Variants in GRIN3A observed in about 807,000 individuals in gnomAD.
GRIN3A encodes glutamate receptor ionotropic, NMDA 3A.
A neutral mutation model predicts 92.4 loss-of-function variants in GRIN3A; 47 were observed. The observed-to-expected ratio is 0.51, with a 90% CI of 0.40 to 0.65. The LOEUF (loss-of-function observed/expected upper bound fraction) is 0.65, where lower values mean the gene tolerates loss of function less well. Ranked by LOEUF, GRIN3A falls within the 30% of genes least tolerant of loss-of-function variation. The pLI is 0.00. For synonymous variants in GRIN3A, 527 were observed against 540.6 expected (o/e 0.97, Z 0.35); for missense variants, 1,324 against 1,393.1 (o/e 0.95, Z 0.79).
intron 6 of GRIN3A, among the ~76,000 whole-genome samples, chr9:101,582,850 C>G (rs1827905554): frequency 6.6e-6 from 1 of 152,132 alleles, no homozygotes; most frequent in East Asian, 1.9e-4. Flanking sequence ...ACATGACTCC[C>G]TCTGTTTCCT....
At chr9:101,693,244 AATATAT>A (rs3082770) in intron 1 of GRIN3A, among the ~76,000 whole-genome samples, 2,040 of 128,306 alleles carry the variant, frequency 0.016, 30 homozygotes, top group African/African-American at 0.045. Context: ...TCTCAGCTAA[AATATAT>A]ATATATATAT....
chr9:101,586,647 C>G (rs2118799340), intron 6 of GRIN3A, among the ~76,000 whole-genome samples: 1 of 152,234 alleles, frequency 6.6e-6, no homozygotes, highest in East Asian at 1.9e-4. Context: ...ACACTGGAAA[C>G]TGAATGCAAA....
At chr9:101,674,632 T>TA (rs893131438) in intron 2 of GRIN3A, among the ~76,000 whole-genome samples, 1 of 152,058 alleles carries the variant, frequency 6.6e-6, no homozygotes, top group Admixed American at 6.6e-5. Flanking sequence ...AATGTGGGTA[T>TA]AAAAAAGTAA....
chr9:101,713,706 G>A (rs1349631268), intron 1 of GRIN3A, among the ~76,000 whole-genome samples: 1 of 152,112 alleles, frequency 6.6e-6, no homozygotes, highest in Non-Finnish European at 1.5e-5. Context: ...AGTCCAAGTA[G>A]CCTATTGGTT....
chr9:101,706,877 TGACCAGGTTTTATA>T (rs1829820989), intron 1 of GRIN3A, among the ~76,000 whole-genome samples: 3 of 152,216 alleles, frequency 2.0e-5, no homozygotes, highest in South Asian at 4.1e-4. Flanking sequence ...TGTTGTCAAA[TGACCAGGTTTTATA>T]GTCTCTCAAG....
intron 1 of GRIN3A, among the ~76,000 whole-genome samples, chr9:101,707,534 A>C (rs1829827848): frequency 6.6e-6 from 1 of 152,204 alleles, no homozygotes; most frequent in African/African-American, 2.4e-5. Context: ...CTGAGAAGTA[A>C]GAAATGAATA....
In GRIN3A at chr9:101,594,216, G is replaced by GGGTA. The variant is rs1828075175; in HGVS notation, c.2767-14860_2767-14857dup. 3 of 674,336 alleles carry GGGTA rather than the reference G, an allele frequency of 4.4e-6. No individual in the cohort carries two copies. The African/African-American group carries it at 5.4e-5, about 12-fold the overall frequency. The allele number at this position is 674,336 out of a possible 1,614,324, so 41.8% of individuals were successfully genotyped here. A position where few individuals can be genotyped will look rare whatever the true frequency, so the allele number is the denominator to read the frequency against. On this transcript the variant is annotated intron_variant, in intron 6 of 8. Transcript: ENST00000361820. ...CATTTGACTTGCTCTTCCCCCTATA[G>GGGTA]GGTACCCTGAGTCATTCAGAGAAGG...
chr9:101,653,708 T>C (rs10819964), intron 3 of GRIN3A, among the ~76,000 whole-genome samples: 71,351 of 151,652 alleles, frequency 0.47, 17,011 homozygotes, highest in Middle Eastern at 0.54. Flanking sequence ...TTTGTGTCTC[T>C]ACTTTGTTTT....
intron 1 of GRIN3A, among the ~76,000 whole-genome samples, chr9:101,712,524 ACTT>A (rs1393615442): frequency 6.6e-6 from 1 of 152,192 alleles, no homozygotes; most frequent in Admixed American, 6.5e-5. Context: ...GAAATGACTG[ACTT>A]CTTGTTCAAC....
rs150659940 is a variant in GRIN3A, at chr9:101,654,118, T to G, written c.2352+15942A>C. Among the ~76,000 whole-genome samples the G allele has an allele frequency of 4.0e-5, 6 of 151,224 alleles. No homozygotes were observed. The East Asian group carries it at 1.2e-3, about 29-fold the overall frequency. On this transcript the variant is annotated intron_variant, in intron 3 of 8. Coordinates refer to ENST00000361820, the MANE Select transcript of GRIN3A (RefSeq NM_133445.3). The stretch of plus-strand genomic sequence containing the variant: ...CTATTTTTTCATTCAATACAGTGTT[T>G]TATTATCTTATCTGATTTTGTCATC...
intron 2 of GRIN3A, among the ~76,000 whole-genome samples, chr9:101,682,949 T>G (rs1014939051): frequency 6.6e-6 from 1 of 152,220 alleles, no homozygotes; most frequent in African/African-American, 2.4e-5. Context: ...GCCACCGCAC[T>G]CCAGCCTGGG....
chr9:101,599,904 G>A (rs56971125), intron 6 of GRIN3A, among the ~76,000 whole-genome samples: 3,253 of 152,188 alleles, frequency 0.021, 120 homozygotes, highest in African/African-American at 0.074. Flanking sequence ...ATATCTAAGC[G>A]TACTGACGTT....
chr9:101,655,662 C>T (rs552703955), intron 3 of GRIN3A, among the ~76,000 whole-genome samples: 1 of 152,012 alleles, frequency 6.6e-6, no homozygotes, highest in Admixed American at 6.6e-5. Flanking sequence ...AATCACTTAA[C>T]TCCTCTGAGC....
chr9:101,705,300 A>G (rs1007655381), intron 1 of GRIN3A, among the ~76,000 whole-genome samples: 18 of 152,140 alleles, frequency 1.2e-4, no homozygotes, highest in African/African-American at 3.9e-4. Context: ...CGCAGAGAAC[A>G]GTAGGGCAGC....
At chr9:101,649,550 A>G (rs28464805) in intron 3 of GRIN3A, among the ~76,000 whole-genome samples, 13,539 of 151,982 alleles carry the variant, frequency 0.089, 877 homozygotes, top group East Asian at 0.22. Context: ...CCATGGATCT[A>G]GGGAAATTCT....
intron 3 of GRIN3A, 48 bp downstream of exon 3, chr9:101,670,012 G>T: frequency 7.5e-7 from 1 of 1,340,354 alleles, no homozygotes; most frequent in Non-Finnish European, 1.1e-6. Flanking sequence ...TACAACATAC[G>T]GAATTATAAT....
chr9:101,644,983 A>C (rs1301928558), intron 3 of GRIN3A, among the ~76,000 whole-genome samples: 2 of 151,898 alleles, frequency 1.3e-5, no homozygotes, highest in African/African-American at 4.8e-5. Context: ...ATCATCTCAA[A>C]TGTTTATCAT....
chr9:101,657,216 T>C (rs1313392286), intron 3 of GRIN3A, among the ~76,000 whole-genome samples: 1 of 151,918 alleles, frequency 6.6e-6, no homozygotes, highest in East Asian at 1.9e-4. Context: ...ATTCTAGTGG[T>C]GAGCAACCCT....
At position 101,573,491 on chromosome 9, in the gene GRIN3A, G is replaced by T. The variant is rs1390786501; in HGVS notation, c.3031C>A (p.Leu1011Ile). 6 of 1,613,788 alleles carry T rather than the reference G, an allele frequency of 3.7e-6. No homozygotes were observed. Among genetic ancestry groups the T allele is most frequent in the Non-Finnish European group, 5.1e-6 (6 of 1,179,876 alleles). Residue 1011 changes from leucine to isoleucine, a missense_variant, in exon 9 of 9, where the codon CTT becomes ATT. Physicochemically the swap from Leu to Ile is conservative, Grantham distance 5 (BLOSUM62 2). Coordinates refer to ENST00000361820, the MANE Select transcript of GRIN3A (RefSeq NM_133445.3). ...EKRSNVGPRQ[L>I]TVWNTSNLSH... ...AGATTGGAAGTATTCCATACGGTAA[G>T]CTGACGGGGTCCCACATTAGACCTA...
Sources: gnomAD v4.1 joint callset for allele counts (sites outside exome capture counted in the v4.1 genomes callset) on GRCh38, gnomAD v4.1.1 for gene constraint, MANE v1.5 for transcripts, NCBI Gene and HGNC (gene_info 2026-07-23, HGNC 2026-07-21) for gene names.